OXR1: variants seen among roughly 807,000 people sequenced by gnomAD.
OXR1 encodes the protein oxidation resistance protein 1.
A neutral mutation model predicts 104.6 loss-of-function variants in OXR1; 41 were observed. That is an observed-to-expected ratio of 0.39 (90% CI 0.31 to 0.51). The LOEUF (loss-of-function observed/expected upper bound fraction) is 0.51. Ranked by LOEUF, OXR1 falls within the 20% of genes least tolerant of loss-of-function variation. OXR1 has a pLI of 0.77. For missense variants in OXR1, 955 were observed against 1,031.9 expected (o/e 0.93, Z 1.02); for synonymous variants, 348 against 348.4 (o/e 1.00, Z 0.01).
At chr8:106,296,540 C>A (rs1813001984) in intron 1 of OXR1, among the ~76,000 whole-genome samples, 1 of 152,138 alleles carries the variant, frequency 6.6e-6, no homozygotes, top group African/African-American at 2.4e-5. Context: ...TTGCCTATCA[C>A]CTTCCTCATT....
chr8:106,619,279 A>C (rs1821497456), intron 3 of OXR1, among the ~76,000 whole-genome samples: 1 of 152,204 alleles, frequency 6.6e-6, no homozygotes, highest in African/African-American at 2.4e-5. Flanking sequence ...CACAGCTAAG[A>C]GGTTGACTAT....
intron 3 of OXR1, among the ~76,000 whole-genome samples, chr8:106,611,398 C>T (rs1218419188): frequency 2.0e-5 from 3 of 152,170 alleles, no homozygotes; most frequent in African/African-American, 7.2e-5. Flanking sequence ...TGTGCTTTGT[C>T]AGGTTCAGTT....
intron 11 of OXR1, among the ~76,000 whole-genome samples, chr8:106,718,060 A>G (rs1477345671): frequency 6.6e-6 from 1 of 152,260 alleles, no homozygotes; most frequent in Non-Finnish European, 1.5e-5. Flanking sequence ...ATGCAAGTCA[A>G]TAACAACAAG....
chr8:106,706,032 C>T lies in OXR1; in HGVS notation c.861-350C>T, dbSNP rs546883336. 6.4e-4 allele frequency among the ~76,000 whole-genome samples: 98 copies of T among 152,100 alleles called. 1 individual carries two copies. The highest frequency in any genetic ancestry group is 2.3e-3 in the African/African-American group (96 of 41,498). The stretch of plus-strand genomic sequence containing the variant: ...TTTCTCTGTGTTTATTTTCCATATT[C>T]CATCAGTGAGTAAATTTTAGTTTAG... On this transcript the variant is annotated intron_variant, in intron 8 of 16. Transcript: ENST00000517566.
intron 2 of OXR1, among the ~76,000 whole-genome samples, chr8:106,507,720 C>T (rs1226993391): frequency 6.6e-6 from 1 of 152,106 alleles, no homozygotes; most frequent in Non-Finnish European, 1.5e-5. Context: ...AATAAGTGAG[C>T]AGGGAGCGAG....
At chr8:106,677,422 T>G (rs1413193605) in intron 3 of OXR1, among the ~76,000 whole-genome samples, 2 of 152,110 alleles carry the variant, frequency 1.3e-5, no homozygotes, top group Non-Finnish European at 2.9e-5. Context: ...AAAAATAATA[T>G]TCTTTATAAA....
chr8:106,282,753 T>C (rs2130502136), intron 1 of OXR1, among the ~76,000 whole-genome samples: 1 of 152,302 alleles, frequency 6.6e-6, no homozygotes, highest in South Asian at 2.1e-4. Flanking sequence ...GGACTTGTCT[T>C]GCTTTCTTGG....
In OXR1 at chr8:106,394,877, G is replaced by A. The variant is rs149359273; in HGVS notation, c.23+35241G>A. ...CTCGAAGTCCACAGAACTGTGCATC[G>A]TGAGTGTGAACTTTAGATATGCAAA... On this transcript the variant is annotated intron_variant, in intron 2 of 16. Transcript: ENST00000517566. Among the ~76,000 whole-genome samples the A allele has an allele frequency of 1.2e-3, 187 of 152,206 alleles. 1 individual carries two copies. The highest frequency in any genetic ancestry group is 4.4e-3 in the South Asian group (21 of 4,820).
At chr8:106,368,285 G>A (rs986820436) in intron 2 of OXR1, among the ~76,000 whole-genome samples, 1 of 151,966 alleles carries the variant, frequency 6.6e-6, no homozygotes, top group South Asian at 2.1e-4. Flanking sequence ...CCAAGGTAAT[G>A]GAAAACCATT....
intron 3 of OXR1, chr8:106,604,931 A>AT (rs1439956787): frequency 6.6e-6 from 1 of 152,204 alleles, no homozygotes; most frequent in East Asian, 1.9e-4. Flanking sequence ...TGATTCACAC[A>AT]TTTCTTTTCA....
At chr8:106,305,503 A>G (rs1236914132) in intron 1 of OXR1, among the ~76,000 whole-genome samples, 1 of 152,188 alleles carries the variant, frequency 6.6e-6, no homozygotes, top group East Asian at 1.9e-4. Flanking sequence ...TCACTACAAT[A>G]AAAATGATCT....
chr8:106,532,800 C>G (rs141472284), intron 3 of OXR1, among the ~76,000 whole-genome samples: 231 of 152,266 alleles, frequency 1.5e-3, no homozygotes, highest in Admixed American at 0.013. Flanking sequence ...ATAAATATCT[C>G]TATGGGCCAG....
intron 1 of OXR1, among the ~76,000 whole-genome samples, chr8:106,313,931 T>C (rs73701110): frequency 0.024 from 3,731 of 152,324 alleles, 57 homozygotes; most frequent in South Asian, 0.097. Flanking sequence ...TAAAGAAGAA[T>C]GTTTTTCTCA....
In OXR1 at chr8:106,373,314, A is replaced by G. The variant is rs899115438; in HGVS notation, c.23+13678A>G. On this transcript the variant is annotated intron_variant, in intron 2 of 16. Coordinates refer to ENST00000517566, the MANE Select transcript of OXR1 (RefSeq NM_001198533.2). ...TATTTTTAAATCCCCTCCCTTTCCCATAAACTTTAAGGCTAATTTCAATAT... is the reference window on the plus strand; with the variant it reads ...TATTTTTAAATCCCCTCCCTTTCCCGTAAACTTTAAGGCTAATTTCAATAT... Among the ~76,000 whole-genome samples the G allele has an allele frequency of 5.9e-5, 9 of 152,242 alleles. 1 individual carries two copies. The East Asian group carries it at 1.7e-3, about 29-fold the overall frequency.
At chr8:106,283,223 A>G (rs1801506187) in intron 1 of OXR1, among the ~76,000 whole-genome samples, 1 of 152,214 alleles carries the variant, frequency 6.6e-6, no homozygotes, top group Non-Finnish European at 1.5e-5. Context: ...TGGGCTTTCT[A>G]CAGGGCTTTT....
Position 106,307,136 on chromosome 8 carries a change from T to C in OXR1, c.-139+36769T>C, listed in dbSNP as rs531312569. On this transcript the variant is annotated intron_variant, in intron 1 of 16. Coordinates refer to ENST00000517566, the MANE Select transcript of OXR1 (RefSeq NM_001198533.2). Reference sequence around the variant, plus strand: ...TCAAGAAACAGCATTTTATTCAGAGTTGGTAGCCAACAAGTGACCTAAAAT... The same window carrying C: ...TCAAGAAACAGCATTTTATTCAGAGCTGGTAGCCAACAAGTGACCTAAAAT... Among the ~76,000 whole-genome samples, 5 of 151,994 alleles carry C rather than the reference T, an allele frequency of 3.3e-5. No homozygotes were observed. The East Asian group carries it at 5.8e-4, about 18-fold the overall frequency.
chr8:106,504,796 G>C lies in OXR1; in HGVS notation c.24-14147G>C, dbSNP rs114118659. ...AATAGTTATGTCATAATTTCTATCA[G>C]TCATGCAATTAGAAGTACATATATG... On this transcript the variant is annotated intron_variant, in intron 2 of 16. Coordinates refer to ENST00000517566, the MANE Select transcript of OXR1 (RefSeq NM_001198533.2). Among the ~76,000 whole-genome samples the C allele has an allele frequency of 5.1e-3, 769 of 152,242 alleles. 8 individuals carry two copies. Among genetic ancestry groups the C allele is most frequent in the African/African-American group, 0.018 (738 of 41,556 alleles).
chr8:106,376,177 G>A (rs965514960), intron 2 of OXR1, among the ~76,000 whole-genome samples: 38 of 152,212 alleles, frequency 2.5e-4, no homozygotes, highest in African/African-American at 8.9e-4. Context: ...AATTAGCGCT[G>A]TGGCTCATTT....
chr8:106,581,134 A>AT lies in OXR1; in HGVS notation c.220+61999dup, dbSNP rs899043377. 17 of 1,263,152 alleles carry AT rather than the reference A, an allele frequency of 1.3e-5. No individual in the cohort carries two copies. In the African/African-American group the frequency reaches 2.5e-4, roughly 19 times the overall value. 78.2% of individuals were successfully genotyped at this position (1,263,152 alleles called of 1,614,324 possible). A position where few individuals can be genotyped will look rare whatever the true frequency, so the allele number is the denominator to read the frequency against. ...GACAGTCTAGACTTAAAGATTTAGA[A>AT]TTTTGGATGGAAATAATCCGGTGAA... On this transcript the variant is annotated intron_variant, in intron 3 of 16. Transcript: ENST00000517566.
Sources: allele counts gnomAD v4.1 joint callset (sites outside exome capture counted in the v4.1 genomes callset), GRCh38; gene constraint gnomAD v4.1.1; transcripts MANE v1.5; gene names NCBI Gene and HGNC (gene_info 2026-07-23, HGNC 2026-07-21).